Variants in PLXNC1 observed in about 807,000 individuals in gnomAD.
PLXNC1 encodes plexin-C1.
In PLXNC1, 75 loss-of-function variants were observed where a neutral mutation model predicts 178.2. That is an observed-to-expected ratio of 0.42 (90% CI 0.35 to 0.51). The LOEUF is 0.51. Ranked by LOEUF, PLXNC1 falls within the 20% of genes least tolerant of loss-of-function variation. PLXNC1 has a pLI of 0.02. For missense variants in PLXNC1, 1,503 were observed against 1,984.4 expected, an observed-to-expected ratio of 0.76 and a Z score of 4.61; for synonymous variants, 790 against 779.9, an observed-to-expected ratio of 1.01 and a Z score of -0.22.
At chr12:94,243,370 G>A (rs889242348) in intron 11 of PLXNC1, among the ~76,000 whole-genome samples, 3 of 152,224 alleles carry the variant, frequency 2.0e-5, no homozygotes, top group African/African-American at 7.2e-5. Flanking sequence ...ACTGAGAAAC[G>A]TGAAGTTATT....
intron 5 of PLXNC1, among the ~76,000 whole-genome samples, chr12:94,210,847 A>C (rs1311720927): frequency 6.6e-6 from 1 of 152,224 alleles, no homozygotes; most frequent in Admixed American, 6.5e-5. Flanking sequence ...ATTCTTAGGC[A>C]TCTAAACATA....
At position 94,226,681 on chromosome 12, in the gene PLXNC1, G is replaced by C. The variant is rs773053059; in HGVS notation, c.1867G>C (p.Asp623His). Reference protein sequence around the residue: ...RRCIHPFTACDPSDYERNQEQ... With the variant: ...RRCIHPFTACHPSDYERNQEQ... ...GTGTATCCACCCCTTCACAGCTTGC[G>C]ACCCTTCTGATTATGAGAGAAACCA... Residue 623 changes from aspartate to histidine, a missense_variant, in exon 8 of 31, where the codon GAC (aspartate) becomes CAC (histidine). By Grantham distance (81) the Asp-to-His change is moderately conservative. Transcript: ENST00000258526. The C allele has an allele frequency of 6.2e-7, 1 of 1,612,986 alleles. No homozygotes were observed. Among genetic ancestry groups the C allele is most frequent in the African/African-American group, 1.3e-5 (1 of 74,876 alleles).
At position 94,179,740 on chromosome 12, in the gene PLXNC1, C is replaced by CAA. The variant is rs63329860; in HGVS notation, c.1204-1686_1204-1685dup. On this transcript the variant is annotated intron_variant, in intron 2 of 30. Transcript: ENST00000258526. ...TGGGCGACTGAGTAAGACTCCATCTCAAAAAAAAAAAAAAAAAAAAATGAC... is the reference window on the plus strand; with the variant it reads ...TGGGCGACTGAGTAAGACTCCATCTCAAAAAAAAAAAAAAAAAAAAAAATGAC... Among the ~76,000 whole-genome samples, 70 of 80,242 alleles carry CAA rather than the reference C, an allele frequency of 8.7e-4. 1 individual carries two copies. Among genetic ancestry groups the CAA allele is most frequent in the Middle Eastern group, 6.7e-3 (1 of 150 alleles). The allele number at this position is 80,242 out of a possible 152,430, so 52.6% of individuals were successfully genotyped here. A position where few individuals can be genotyped will look rare whatever the true frequency, so the allele number is the denominator to read the frequency against.
chr12:94,293,422 C>T (rs1019789521), intron 23 of PLXNC1, among the ~76,000 whole-genome samples: 1 of 152,170 alleles, frequency 6.6e-6, no homozygotes, highest in Non-Finnish European at 1.5e-5. Context: ...ATAGTCAGTT[C>T]GGGCTGCTAT....
chr12:94,280,444 A>G lies in PLXNC1; in HGVS notation c.3775+795A>G, dbSNP rs143790230. Among the ~76,000 whole-genome samples, 300 of 152,144 alleles carry G rather than the reference A, an allele frequency of 2.0e-3. 1 individual carries two copies. Among genetic ancestry groups the G allele is most frequent in the African/African-American group, 7.0e-3 (290 of 41,516 alleles). ...CTAAGCAGGCAATTAAAATCCTCCCACTCGGCCCTCCCAGTCCAGCCCCCT... is the reference window on the plus strand; with the variant it reads ...CTAAGCAGGCAATTAAAATCCTCCCGCTCGGCCCTCCCAGTCCAGCCCCCT... On this transcript the variant is annotated intron_variant, in intron 22 of 30. Coordinates refer to ENST00000258526, the MANE Select transcript of PLXNC1 (RefSeq NM_005761.3).
At chr12:94,174,488 A>G (rs1961974364) in intron 2 of PLXNC1, among the ~76,000 whole-genome samples, 1 of 152,142 alleles carries the variant, frequency 6.6e-6, no homozygotes, top group African/African-American at 2.4e-5. Context: ...CCACTCAGGG[A>G]TTTCGTTTAT....
At chr12:94,186,613 A>G (rs1271063798) in intron 4 of PLXNC1, 140 bp downstream of exon 4, 26 of 621,552 alleles carry the variant, frequency 4.2e-5, no homozygotes, top group Non-Finnish European at 7.1e-5. Context: ...TTGTTGTGCA[A>G]TCCTAATGAA....
At chr12:94,225,247 A>G (rs936686946) in intron 7 of PLXNC1, among the ~76,000 whole-genome samples, 1 of 152,160 alleles carries the variant, frequency 6.6e-6, no homozygotes, top group Non-Finnish European at 1.5e-5. Flanking sequence ...AGTGCTGTAG[A>G]TCACTGCATA....
intron 21 of PLXNC1, among the ~76,000 whole-genome samples, chr12:94,276,432 T>G (rs896068702): frequency 5.9e-5 from 9 of 151,600 alleles, no homozygotes; most frequent in African/African-American, 1.7e-4. Context: ...AAGCCAGGGT[T>G]TCTGGAGGGT....
chr12:94,158,567 G>A (rs1037718632), intron 1 of PLXNC1, among the ~76,000 whole-genome samples: 3 of 152,172 alleles, frequency 2.0e-5, no homozygotes, highest in African/African-American at 4.8e-5. Flanking sequence ...TGGCCAAGAC[G>A]GGTGGATCAC....
chr12:94,247,455 C>G lies in PLXNC1; in HGVS notation c.2389-448C>G, dbSNP rs1237563636. ...TGCAACAAGCGCTTCAGGAGCTGGC[C>G]CTTGCTGAGAGTTGGACACTTTTCT... On this transcript the variant is annotated intron_variant, in intron 12 of 30. Coordinates refer to ENST00000258526, the MANE Select transcript of PLXNC1 (RefSeq NM_005761.3). Among the ~76,000 whole-genome samples the G allele has an allele frequency of 8.5e-5, 13 of 152,068 alleles. No homozygotes were observed. The South Asian group carries it at 2.5e-3, about 29-fold the overall frequency.
At chr12:94,289,027 CA>C (rs1470312751) in intron 23 of PLXNC1, among the ~76,000 whole-genome samples, 4 of 152,038 alleles carry the variant, frequency 2.6e-5, no homozygotes, top group African/African-American at 9.7e-5. Context: ...ATGAAATTGT[CA>C]ATAGGTGACC....
At chr12:94,217,213 C>A (rs753093948) in intron 5 of PLXNC1, among the ~76,000 whole-genome samples, 1 of 152,148 alleles carries the variant, frequency 6.6e-6, no homozygotes, top group Non-Finnish European at 1.5e-5. Context: ...TTGAAACTGT[C>A]TTTTCCATTG....
In PLXNC1 at chr12:94,297,463, G is replaced by T. The variant is rs377271797; in HGVS notation, c.4074+40G>T. The T allele has an allele frequency of 2.4e-5, 32 of 1,342,692 alleles. No individual in the cohort carries two copies. The South Asian group carries it at 3.0e-4, about 13-fold the overall frequency. The allele number at this position is 1,342,692 out of a possible 1,614,324, so 83.2% of individuals were successfully genotyped here. On this transcript the variant is annotated intron_variant, in intron 26 of 30. Coordinates refer to ENST00000258526, the MANE Select transcript of PLXNC1 (RefSeq NM_005761.3). Reference sequence around the variant, plus strand: ...CTGGGAGCACTTTATGGCTACCTAGGGGGTGTATGATATGTTTGACTTAAT... The same window carrying T: ...CTGGGAGCACTTTATGGCTACCTAGTGGGTGTATGATATGTTTGACTTAAT...
chr12:94,269,082 G>C (rs529485692), intron 21 of PLXNC1, among the ~76,000 whole-genome samples: 13 of 152,302 alleles, frequency 8.5e-5, no homozygotes, highest in Middle Eastern at 3.4e-3. Context: ...CTTTCAGGAA[G>C]AGATGAGAAA....
chr12:94,175,006 G>C (rs185799126), intron 2 of PLXNC1, among the ~76,000 whole-genome samples: 12 of 152,326 alleles, frequency 7.9e-5, no homozygotes, highest in Non-Finnish European at 1.6e-4. Context: ...GGAAACAAAA[G>C]AGAAATTTGC....
chr12:94,213,022 G>T (rs546793044), intron 5 of PLXNC1, among the ~76,000 whole-genome samples: 2 of 152,096 alleles, frequency 1.3e-5, no homozygotes, highest in African/African-American at 4.8e-5. Context: ...CCCGGCCTAC[G>T]TGCCACATTT....
intron 1 of PLXNC1, among the ~76,000 whole-genome samples, chr12:94,151,386 C>T (rs1488711584): frequency 6.6e-6 from 1 of 152,138 alleles, no homozygotes; most frequent in Non-Finnish European, 1.5e-5. Flanking sequence ...GCTTCTTTGC[C>T]TGTCAAGCTG....
At chr12:94,225,784 G>C (rs117699264) in intron 7 of PLXNC1, among the ~76,000 whole-genome samples, 2 of 152,148 alleles carry the variant, frequency 1.3e-5, no homozygotes, top group Non-Finnish European at 2.9e-5. Flanking sequence ...TAGAAGAAGC[G>C]AGCAAATCAC....
Sources: allele counts gnomAD v4.1 joint callset (sites outside exome capture counted in the v4.1 genomes callset), GRCh38; gene constraint gnomAD v4.1.1; transcripts MANE v1.5; gene names NCBI Gene and HGNC (gene_info 2026-07-23, HGNC 2026-07-21).